Variants in SCAPER observed in about 807,000 individuals in gnomAD.
SCAPER encodes S-phase cyclin A associated protein in the ER.
SCAPER carries 98 observed loss-of-function variants against 182.2 expected under a neutral mutation model. That is an observed-to-expected ratio of 0.54 (90% confidence interval 0.46 to 0.64). SCAPER has a LOEUF of 0.64. Among genes scored for constraint, SCAPER ranks in the 30% least tolerant of loss-of-function variants. The pLI is 0.00. For synonymous variants in SCAPER, 605 were observed against 564.6 expected (o/e 1.07, Z -1.01); for missense variants, 1,432 against 1,690.0 (o/e 0.85, Z 2.68).
chr15:76,743,938 G>A (rs1020401899), intron 15 of SCAPER, among the ~76,000 whole-genome samples: 1 of 152,100 alleles, frequency 6.6e-6, no homozygotes, highest in African/African-American at 2.4e-5. Flanking sequence ...GTACAAAACA[G>A]ACACACAGAC....
chr15:76,666,958 T>A (rs1301110374), intron 20 of SCAPER, among the ~76,000 whole-genome samples: 1 of 152,196 alleles, frequency 6.6e-6, no homozygotes, highest in Non-Finnish European at 1.5e-5. Context: ...TTATGGTTAT[T>A]TCTCCTCTTA....
At chr15:76,813,010 A>T (rs1456446601) in intron 5 of SCAPER, among the ~76,000 whole-genome samples, 3 of 90,792 alleles carry the variant, frequency 3.3e-5, no homozygotes, top group Non-Finnish European at 7.0e-5. Context: ...ATACACACAA[A>T]AATGCTCAAT....
chr15:76,588,446 A>AC (rs1195889424), intron 22 of SCAPER, among the ~76,000 whole-genome samples: 2 of 152,184 alleles, frequency 1.3e-5, no homozygotes, highest in Admixed American at 6.5e-5. Context: ...TTTGCATGGA[A>AC]TGTCTTTTTC....
chr15:76,648,843 T>C (rs1195760427), intron 21 of SCAPER, among the ~76,000 whole-genome samples: 1 of 152,156 alleles, frequency 6.6e-6, no homozygotes, highest in Non-Finnish European at 1.5e-5. Context: ...AACATGGAGG[T>C]TCCCTCTTCC....
intron 23 of SCAPER, among the ~76,000 whole-genome samples, chr15:76,570,339 G>C (rs2047349639): frequency 6.6e-6 from 1 of 151,330 alleles, no homozygotes; most frequent in Non-Finnish European, 1.5e-5. Context: ...TTTCTCACCA[G>C]TCCTGCAAAC....
intron 21 of SCAPER, among the ~76,000 whole-genome samples, chr15:76,655,547 T>C (rs994963912): frequency 1.1e-4 from 17 of 152,228 alleles, no homozygotes; most frequent in African/African-American, 4.1e-4. Context: ...AGAGAACCCC[T>C]GTGAGATACT....
intron 25 of SCAPER, among the ~76,000 whole-genome samples, chr15:76,455,931 T>G (rs1240113885): frequency 2.6e-5 from 4 of 152,186 alleles, no homozygotes; most frequent in African/African-American, 9.7e-5. Flanking sequence ...CGTGTTTGGT[T>G]TTCTCTTACT....
rs1414997353 is a variant in SCAPER, at chr15:76,790,153, C to G, written c.772+5127G>C. 4.6e-5 allele frequency among the ~76,000 whole-genome samples: 7 copies of G among 151,850 alleles called. No homozygotes were observed. The East Asian group carries it at 1.2e-3, about 25-fold the overall frequency. ...GGCTGAGGCAGGAGAATGGTGTGAA[C>G]CCAGGAGGCGGAGCTTGCAGTGAGC... On this transcript the variant is annotated intron_variant, in intron 8 of 31. Transcript: ENST00000563290.
chr15:76,451,223 A>G (rs1290868093), intron 25 of SCAPER, among the ~76,000 whole-genome samples: 1 of 152,216 alleles, frequency 6.6e-6, no homozygotes, highest in Non-Finnish European at 1.5e-5. Flanking sequence ...TTTATTGCTA[A>G]ATATTCCACT....
In SCAPER at chr15:76,683,490, T is replaced by C. The variant is rs189041275; in HGVS notation, c.2509-17701A>G. 3.0e-4 allele frequency among the ~76,000 whole-genome samples: 45 copies of C among 151,642 alleles called. 1 individual carries two copies. Among genetic ancestry groups the C allele is most frequent in the African/African-American group, 7.7e-4 (32 of 41,344 alleles). ...CAAATATGGAAAATATATCTGAGGGTTATCATCCATGAAAATTTCCCTGAC... is the reference window on the plus strand; with the variant it reads ...CAAATATGGAAAATATATCTGAGGGCTATCATCCATGAAAATTTCCCTGAC... On this transcript the variant is annotated intron_variant, in intron 20 of 31. Transcript: ENST00000563290.
intron 21 of SCAPER, among the ~76,000 whole-genome samples, chr15:76,656,306 G>A (rs886170045): frequency 1.3e-5 from 2 of 152,022 alleles, no homozygotes; most frequent in South Asian, 4.1e-4. Flanking sequence ...ACAAAGAAGA[G>A]CATTACATAA....
At chr15:76,881,705 T>C (rs1170190879) in intron 2 of SCAPER, among the ~76,000 whole-genome samples, 2 of 152,116 alleles carry the variant, frequency 1.3e-5, no homozygotes, top group Non-Finnish European at 2.9e-5. Context: ...CAGCAAGTGG[T>C]ACAGGAGCAG....
intron 25 of SCAPER, among the ~76,000 whole-genome samples, chr15:76,453,911 T>A (rs758863307): frequency 2.0e-5 from 3 of 152,218 alleles, no homozygotes; most frequent in Non-Finnish European, 4.4e-5. Context: ...AGATCAGTTA[T>A]CATCTGTGTC....
At chr15:76,366,523 G>C (rs1458785543) in intron 29 of SCAPER, among the ~76,000 whole-genome samples, 5 of 152,132 alleles carry the variant, frequency 3.3e-5, no homozygotes, top group African/African-American at 1.2e-4. Context: ...TGGTCTCTCG[G>C]ATTTCTTCTG....
chr15:76,621,716 T>C (rs1156830992), intron 22 of SCAPER, 48 bp downstream of exon 22: 2 of 1,427,776 alleles, frequency 1.4e-6, no homozygotes, highest in Non-Finnish European at 1.9e-6. Flanking sequence ...ACACTTTTGT[T>C]ACAGGCATAG....
intron 22 of SCAPER, among the ~76,000 whole-genome samples, chr15:76,619,053 C>T (rs919066897): frequency 1.3e-5 from 2 of 152,226 alleles, no homozygotes; most frequent in East Asian, 3.8e-4. Context: ...CCATGATGGT[C>T]AGGCTGGTCT....
chr15:76,516,156 G>C (rs2144159569), intron 23 of SCAPER, among the ~76,000 whole-genome samples: 1 of 151,322 alleles, frequency 6.6e-6, no homozygotes, highest in South Asian at 2.1e-4. Flanking sequence ...GGAAAGTAGT[G>C]ACCCAGAACT....
At chr15:76,701,708 C>T (rs371177455) in intron 20 of SCAPER, 50 bp downstream of exon 20, 1 of 1,353,592 alleles carries the variant, frequency 7.4e-7, no homozygotes, top group African/African-American at 1.4e-5. Flanking sequence ...TAAAACAGCA[C>T]ATATTGGGTA....
intron 21 of SCAPER, among the ~76,000 whole-genome samples, chr15:76,657,605 A>C (rs1296351795): frequency 7.2e-6 from 1 of 138,836 alleles, no homozygotes; most frequent in African/African-American, 2.6e-5. Context: ...AAAAAAAAAG[A>C]AAGAAAGAAA....
Sources: gnomAD v4.1 joint callset for allele counts (sites outside exome capture counted in the v4.1 genomes callset) on GRCh38, gnomAD v4.1.1 for gene constraint, MANE v1.5 for transcripts, NCBI Gene and HGNC (gene_info 2026-07-23, HGNC 2026-07-21) for gene names.